The following ANKS1B variants were observed in gnomAD, a reference collection of about 807,000 sequenced individuals.
ANKS1B encodes ankyrin repeat and sterile alpha motif domain-containing protein 1B.
In ANKS1B, 36 loss-of-function variants were observed where a neutral mutation model predicts 148.3. The ratio of observed to expected loss-of-function variants is 0.24; its 90% CI spans 0.19 to 0.32. The LOEUF (loss-of-function observed/expected upper bound fraction) is 0.32, where lower values mean the gene tolerates loss of function less well. Among genes scored for constraint, ANKS1B ranks in the 10% least tolerant of loss-of-function variants. ANKS1B has a pLI of 1.00. For synonymous variants in ANKS1B, 542 were observed against 560.8 expected (o/e 0.97, Z 0.47); for missense variants, 1,157 against 1,542.6 (o/e 0.75, Z 4.19).
intron 1 of ANKS1B, among the ~76,000 whole-genome samples, chr12:99,895,460 T>C (rs2093349147): frequency 6.6e-6 from 1 of 150,900 alleles, no homozygotes; most frequent in African/African-American, 2.4e-5. Context: ...ATTCTATTTC[T>C]CTGGAGAACC....
chr12:98,740,046 C>T (rs2097790397), downstream of ANKS1B, among the ~76,000 whole-genome samples: 2 of 152,112 alleles, frequency 1.3e-5, no homozygotes, highest in Admixed American at 1.3e-4. Context: ...GCGACGCATA[C>T]ACCCATCAAG....
At chr12:99,554,324 T>C (rs2097254397) in intron 9 of ANKS1B, among the ~76,000 whole-genome samples, 1 of 152,144 alleles carries the variant, frequency 6.6e-6, no homozygotes, top group East Asian at 1.9e-4. Context: ...TAGATAGCCA[T>C]GGAATGGATA....
intron 9 of ANKS1B, chr12:99,648,352 A>T: frequency 6.2e-7 from 1 of 1,614,180 alleles, no homozygotes; most frequent in Non-Finnish European, 8.5e-7. Flanking sequence ...AGGAGAAGTG[A>T]TTGACGTGCA....
At chr12:99,213,354 C>T (rs1269380112) in intron 14 of ANKS1B, among the ~76,000 whole-genome samples, 1 of 152,218 alleles carries the variant, frequency 6.6e-6, no homozygotes, top group African/African-American at 2.4e-5. Context: ...TCATCACTCA[C>T]CTGCCTGCAT....
At chr12:99,267,091 T>C (rs892105666) in intron 12 of ANKS1B, among the ~76,000 whole-genome samples, 8 of 152,198 alleles carry the variant, frequency 5.3e-5, no homozygotes, top group Admixed American at 4.6e-4. Flanking sequence ...GCTTCCTTGC[T>C]GCAAATTTAA....
intron 1 of ANKS1B, among the ~76,000 whole-genome samples, chr12:99,852,502 T>C (rs533658005): frequency 6.6e-6 from 1 of 152,340 alleles, no homozygotes; most frequent in South Asian, 2.1e-4. Flanking sequence ...TAATAATTAG[T>C]TTCCAGCATT....
rs1213574940 is a variant in ANKS1B, at chr12:99,712,850, T to C, written c.1129-57640A>G. On this transcript the variant is annotated intron_variant, in intron 8 of 26. Coordinates refer to ENST00000683438, the MANE Select transcript of ANKS1B (RefSeq NM_001352186.2). ...TTCAAAACCCAGGAATAATCCTCTGTGGCTGGAGGGTCCATCCTCTGGGCC... is the reference window on the plus strand; with the variant it reads ...TTCAAAACCCAGGAATAATCCTCTGCGGCTGGAGGGTCCATCCTCTGGGCC... Among the ~76,000 whole-genome samples, 4 of 152,302 alleles carry C rather than the reference T, an allele frequency of 2.6e-5. No homozygotes were observed. In the East Asian group the frequency reaches 5.8e-4, roughly 22 times the overall value.
At chr12:99,799,385 C>CA (rs1672219098) in intron 4 of ANKS1B, among the ~76,000 whole-genome samples, 1 of 152,064 alleles carries the variant, frequency 6.6e-6, no homozygotes, top group South Asian at 2.1e-4. Flanking sequence ...GGAGCACATC[C>CA]AAAGAGAGAC....
chr12:99,695,506 G>A (rs2053749907), intron 8 of ANKS1B, among the ~76,000 whole-genome samples: 1 of 152,176 alleles, frequency 6.6e-6, no homozygotes, highest in Non-Finnish European at 1.5e-5. Flanking sequence ...CTCCTGAGAA[G>A]TTCCAGCCAG....
At chr12:99,065,077 C>T (rs1184750762) in intron 16 of ANKS1B, among the ~76,000 whole-genome samples, 2 of 152,110 alleles carry the variant, frequency 1.3e-5, no homozygotes, top group Non-Finnish European at 2.9e-5. Context: ...TGTTCACTAG[C>T]ATTCACATTT....
At chr12:99,234,431 C>T (rs1183615130) in intron 14 of ANKS1B, among the ~76,000 whole-genome samples, 1 of 152,096 alleles carries the variant, frequency 6.6e-6, no homozygotes, top group African/African-American at 2.4e-5. Context: ...CCAACTGACA[C>T]ACCACAACAA....
chr12:99,340,560 T>C lies in ANKS1B; in HGVS notation c.1756+59071A>G, dbSNP rs1411145023. Among the ~76,000 whole-genome samples, 7 of 151,808 alleles carry C rather than the reference T, an allele frequency of 4.6e-5. No individual in the cohort carries two copies. The East Asian group carries it at 1.4e-3, about 29-fold the overall frequency. Reference sequence around the variant, plus strand: ...ATATATATGTATATATATTTTCTTATGGAAAACCAAATGCCCCAGTACCAT... The same window carrying C: ...ATATATATGTATATATATTTTCTTACGGAAAACCAAATGCCCCAGTACCAT... On this transcript the variant is annotated intron_variant, in intron 12 of 26. Coordinates refer to ENST00000683438, the MANE Select transcript of ANKS1B (RefSeq NM_001352186.2).
chr12:99,971,182 A>G (rs1329954530), intron 1 of ANKS1B, among the ~76,000 whole-genome samples: 1 of 152,198 alleles, frequency 6.6e-6, no homozygotes, highest in Non-Finnish European at 1.5e-5. Flanking sequence ...CAAACCCATG[A>G]AAAATTTTTA....
chr12:98,904,623 T>A (rs935017625), intron 17 of ANKS1B, among the ~76,000 whole-genome samples: 2 of 152,192 alleles, frequency 1.3e-5, no homozygotes, highest in African/African-American at 4.8e-5. Flanking sequence ...CTCCTGCCAG[T>A]GCCCCAGAAG....
chr12:99,513,478 A>C (rs896184844), intron 9 of ANKS1B, among the ~76,000 whole-genome samples: 3 of 152,030 alleles, frequency 2.0e-5, no homozygotes, highest in Non-Finnish European at 4.4e-5. Flanking sequence ...TCATCATGTT[A>C]ATCTTTCCCA....
chr12:98,885,091 G>C lies in ANKS1B; in HGVS notation c.2779-52955C>G, dbSNP rs551632594. Among the ~76,000 whole-genome samples, 8 of 152,156 alleles carry C rather than the reference G, an allele frequency of 5.3e-5. No homozygotes were observed. The East Asian group carries it at 1.5e-3, about 29-fold the overall frequency. On this transcript the variant is annotated intron_variant, in intron 17 of 26. Coordinates refer to ENST00000683438, the MANE Select transcript of ANKS1B (RefSeq NM_001352186.2). ...TCTCATCTTTCACATTAATTCATTA[G>C]CAAGATCTCTAGGTTCCATCTCTAA...
chr12:98,864,052 A>G (rs114828001), intron 17 of ANKS1B, among the ~76,000 whole-genome samples: 1,619 of 151,996 alleles, frequency 0.011, 31 homozygotes, highest in African/African-American at 0.037. Flanking sequence ...CGTTCTCTCC[A>G]AGACTCTGTT....
chr12:98,999,941 C>CATTTCACTACTCTCGCATTATGTG (rs2099931914), intron 17 of ANKS1B, among the ~76,000 whole-genome samples: 1 of 152,122 alleles, frequency 6.6e-6, no homozygotes, highest in African/African-American at 2.4e-5. Context: ...TTTCACACTG[C>CATTTCACTACTCTCGCATTATGTG]AAATTTTACG....
At chr12:99,155,463 T>C (rs1387811384) in intron 14 of ANKS1B, among the ~76,000 whole-genome samples, 1 of 152,172 alleles carries the variant, frequency 6.6e-6, no homozygotes, top group African/African-American at 2.4e-5. Flanking sequence ...AAATCCTTTT[T>C]CCCCTCTGAT....
Sources: allele counts gnomAD v4.1 joint callset (sites outside exome capture counted in the v4.1 genomes callset), GRCh38; gene constraint gnomAD v4.1.1; transcripts MANE v1.5; gene names NCBI Gene and HGNC (gene_info 2026-07-23, HGNC 2026-07-21).